Variants in TAF1 observed in about 807,000 individuals in gnomAD.
The protein encoded by TAF1 is TATA-box binding protein associated factor 1, also known as transcription initiation factor TFIID subunit 1.
In TAF1, 2 loss-of-function variants were observed where a neutral mutation model predicts 138.5. The observed-to-expected ratio is 0.01, with a 90% CI of 0.01 to 0.05. The LOEUF (loss-of-function observed/expected upper bound fraction) is 0.05. Ranked by LOEUF, TAF1 falls within the 10% of genes least tolerant of loss-of-function variation. TAF1 has a pLI of 1.00. For missense variants in TAF1, 709 were observed against 1,478.0 expected (o/e 0.48, Z 8.53); for synonymous variants, 437 against 503.2 (o/e 0.87, Z 1.76).
intron 13 of TAF1, among the ~76,000 whole-genome samples, chrX:71,503,277 A>AAAAAAATATATATATATGTGT (rs1569408229): frequency 2.2e-5 from 2 of 90,149 alleles, no homozygotes; most frequent in African/African-American, 9.0e-5. Flanking sequence ...TCAAAAAAAA[A>AAAAAAATATATATATATGTGT]ATATATATAT....
At position 71,458,250 on chromosome X, in the gene TAF1, T is replaced by G; in HGVS notation, c.4948T>G (p.Leu1650Val). Residue 1650 changes from leucine to valine, a missense_variant, in exon 35 of 38, where the codon TTG (leucine) becomes GTG (valine). This residue lies in a region of TAF1 where 123 missense variants were observed against 174.7 expected (regional missense o/e 0.70). Transcript: ENST00000423759. Reference sequence around the variant, plus strand: ...ATGTTTTGTGCCACAGCCTCCTGATTTGTATGATACCAACACATCCCTCAG... The same window carrying G: ...ATGTTTTGTGCCACAGCCTCCTGATGTGTATGATACCAACACATCCCTCAG... ...PGPYTPQPPD[L>V]YDTNTSLSMS... is the part of the protein sequence containing the mutation. 1 of 1,210,979 alleles carries G rather than the reference T, an allele frequency of 8.3e-7. No homozygotes were observed. The highest frequency in any genetic ancestry group is 1.1e-6 in the Non-Finnish European group (1 of 895,155).
At chrX:71,511,102 T>G (rs185220678) in intron 13 of TAF1, among the ~76,000 whole-genome samples, 425 of 108,375 alleles carry the variant, frequency 3.9e-3, no homozygotes, top group African/African-American at 0.014. Context: ...AAACTCTGTC[T>G]CAAAAATAAA....
intron 13 of TAF1, among the ~76,000 whole-genome samples, chrX:71,519,901 G>A (rs970996428): frequency 9.1e-6 from 1 of 109,429 alleles, no homozygotes; most frequent in Non-Finnish European, 1.9e-5. Context: ...TACCTCCTGC[G>A]CTCAAGCGAT....
At chrX:71,515,963 A>T (rs771686718) in intron 13 of TAF1, among the ~76,000 whole-genome samples, 1 of 111,585 alleles carries the variant, frequency 9.0e-6, no homozygotes, top group East Asian at 2.8e-4. Context: ...CACCTATAGG[A>T]TGTATCTAAA....
At chrX:71,388,890 A>G (rs370985982) in intron 17 of TAF1, 22 bp downstream of exon 17, 83 of 1,186,176 alleles carry the variant, frequency 7.0e-5, no homozygotes, top group Non-Finnish European at 9.2e-5. Context: ...CCTCTTAGAC[A>G]CCACTTATGC....
At position 71,382,773 on chromosome X, in the gene TAF1, C is replaced by T; in HGVS notation, c.1678C>T (p.Pro560Ser). The T allele has an allele frequency of 8.3e-7, 1 of 1,209,039 alleles. No individual in the cohort carries two copies. The highest frequency in any genetic ancestry group is 1.8e-5 in the South Asian group (1 of 56,308). The change falls in exon 11 of 38, where the codon CCA (proline) becomes TCA (serine). Residue 560 changes from proline to serine, a missense_variant. By Grantham distance (74) the Pro-to-Ser change is moderately conservative. Transcript: ENST00000423759. ...TATCTATCATTAGAACATGTCTCAG[C>T]CAGAAGTGAAAGATCCATGGAATCT... The part of the protein sequence containing the change: ...KEEPQQNMSQ[P>S]EVKDPWNLSN...
At chrX:71,453,196 GAGC>G (rs2038121818) in intron 32 of TAF1, among the ~76,000 whole-genome samples, 1 of 111,460 alleles carries the variant, frequency 9.0e-6, no homozygotes, top group African/African-American at 3.3e-5. Context: ...TGGCAAAATT[GAGC>G]AGAAGTTACA....
chrX:71,420,971 G>A (rs187852654), intron 28 of TAF1, among the ~76,000 whole-genome samples: 3 of 112,450 alleles, frequency 2.7e-5, no homozygotes, highest in East Asian at 5.6e-4. Flanking sequence ...AGCCCCAGCC[G>A]CCCGCTGCCG....
At chrX:71,440,967 C>G (rs954400971) in intron 32 of TAF1, among the ~76,000 whole-genome samples, 1 of 109,765 alleles carries the variant, frequency 9.1e-6, no homozygotes, top group Admixed American at 9.9e-5. Context: ...TTCTTGTTAT[C>G]TTTGCTCACT....
At chrX:71,439,413 C>T (rs888612817) in intron 32 of TAF1, among the ~76,000 whole-genome samples, 4 of 111,771 alleles carry the variant, frequency 3.6e-5, no homozygotes, top group Non-Finnish European at 7.5e-5. Context: ...TTATCTCCTT[C>T]TAACCTATCA....
At chrX:71,460,303 G>A (rs2038495525) in intron 36 of TAF1, among the ~76,000 whole-genome samples, 1 of 112,434 alleles carries the variant, frequency 8.9e-6, no homozygotes, top group Non-Finnish European at 1.9e-5. Context: ...AACAGGGAAG[G>A]AAAATTAAGA....
intron 24 of TAF1, among the ~76,000 whole-genome samples, chrX:71,400,169 A>C (rs1475505939): frequency 1.8e-5 from 2 of 109,376 alleles, no homozygotes; most frequent in Non-Finnish European, 3.8e-5. Flanking sequence ...CACTTACTGC[A>C]ACCTCCGGCT....
intron 13 of TAF1, among the ~76,000 whole-genome samples, chrX:71,473,412 C>T (rs969251589): frequency 9.0e-6 from 1 of 110,970 alleles, no homozygotes; most frequent in Non-Finnish European, 1.9e-5. Context: ...TGACTCTTGC[C>T]TGTAATACCG....
exon 15 of TAF1, chrX:71,530,042 A>C: frequency 1.2e-5 from 2 of 168,339 alleles, no homozygotes; most frequent in Non-Finnish European, 1.2e-5. Flanking sequence ...TTCCTTTTTT[A>C]CCTTTTTCAT....
intron 23 of TAF1, 129 bp from the exon 24 acceptor site, chrX:71,398,443 G>A (rs2034980989): frequency 3.4e-6 from 3 of 880,690 alleles, no homozygotes; most frequent in Non-Finnish European, 4.6e-6. Context: ...GGAATGGCAT[G>A]TAGCCCCTTT....
intron 13 of TAF1, among the ~76,000 whole-genome samples, chrX:71,497,221 G>T (rs1200967992): frequency 7.2e-5 from 8 of 111,105 alleles, no homozygotes; most frequent in Non-Finnish European, 1.5e-4. Context: ...TAGCTAAGGG[G>T]ACTTCTAAGA....
intron 16 of TAF1, 130 bp downstream of exon 16, chrX:71,388,508 T>G: frequency 2.0e-6 from 2 of 1,006,139 alleles, no homozygotes; most frequent in Non-Finnish European, 2.7e-6. Context: ...TAGCAGATCT[T>G]CTAACACTCT....
chrX:71,508,086 CTATATATATA>C (rs1556033075), intron 13 of TAF1, among the ~76,000 whole-genome samples: 2 of 92,198 alleles, frequency 2.2e-5, no homozygotes, highest in African/African-American at 4.3e-5. Context: ...CTCTCTCTCT[CTATATATATA>C]TATATATATA....
intron 32 of TAF1, among the ~76,000 whole-genome samples, chrX:71,442,562 C>T (rs2037482799): frequency 1.8e-5 from 2 of 111,919 alleles, no homozygotes; most frequent in Non-Finnish European, 3.8e-5. Context: ...TGGATATTAG[C>T]TCTTTGTCAG....
Sources: gnomAD v4.1 joint callset for allele counts (sites outside exome capture counted in the v4.1 genomes callset) on GRCh38, gnomAD v4.1.1 for gene constraint, gnomAD v4.1.1 regional missense constraint, MANE v1.5 for transcripts, NCBI Gene and HGNC (gene_info 2026-07-23, HGNC 2026-07-21) for gene names.